Variants in GPC4 observed in about 807,000 individuals in gnomAD.
GPC4 encodes glypican-4.
GPC4 carries 10 observed loss-of-function variants against 35.0 expected under a neutral mutation model. The ratio of observed to expected loss-of-function variants is 0.29; its 90% confidence interval spans 0.18 to 0.48. GPC4 has a LOEUF of 0.48. Ranked by LOEUF, GPC4 falls within the 20% of genes least tolerant of loss-of-function variation. The probability of loss-of-function intolerance (pLI) is 0.99; values close to 1 mark genes in which losing one functional copy is unlikely to be tolerated. For missense variants in GPC4, 322 were observed against 451.3 expected (o/e 0.71, Z 2.60); for synonymous variants, 167 against 170.2 (o/e 0.98, Z 0.15).
chrX:133,409,320 TAAA>T (rs36008423), intron 1 of GPC4, among the ~76,000 whole-genome samples: 5 of 31,783 alleles, frequency 1.6e-4, no homozygotes, highest in Admixed American at 7.3e-4. Context: ...GACCCTGCCT[TAAA>T]AAAAAAAAAA....
At chrX:133,374,313 A>G (rs2068624767) in intron 1 of GPC4, among the ~76,000 whole-genome samples, 1 of 111,167 alleles carries the variant, frequency 9.0e-6, no homozygotes, top group Non-Finnish European at 1.9e-5. Flanking sequence ...ACTATGAAGA[A>G]AAGTTTTAGA....
At chrX:133,342,182 G>A (rs915936299) in intron 1 of GPC4, among the ~76,000 whole-genome samples, 1 of 108,260 alleles carries the variant, frequency 9.2e-6, no homozygotes, top group Non-Finnish European at 1.9e-5. Context: ...GATTACAGGC[G>A]TGCACCACCA....
intron 1 of GPC4, among the ~76,000 whole-genome samples, chrX:133,353,117 T>C (rs1160135188): frequency 9.0e-6 from 1 of 111,480 alleles, no homozygotes; most frequent in Non-Finnish European, 1.9e-5. Context: ...ACCCTAACCA[T>C]ACCAGGGCCC....
intron 1 of GPC4, among the ~76,000 whole-genome samples, chrX:133,404,546 CA>C (rs766777711): frequency 0.018 from 677 of 37,351 alleles, 23 homozygotes; most frequent in African/African-American, 0.1. Context: ...GACTCTGCCT[CA>C]AAAAAAAAAA....
chrX:133,366,571 T>G (rs958987974), intron 1 of GPC4, among the ~76,000 whole-genome samples: 1 of 111,702 alleles, frequency 9.0e-6, no homozygotes, highest in Non-Finnish European at 1.9e-5. Context: ...GAACAATTCC[T>G]TCTAGACTGT....
chrX:133,390,790 A>G (rs1469127399), intron 1 of GPC4, among the ~76,000 whole-genome samples: 1 of 111,773 alleles, frequency 8.9e-6, no homozygotes, highest in East Asian at 2.8e-4. Flanking sequence ...AATATAATCA[A>G]GTTTAACGCC....
intron 1 of GPC4, among the ~76,000 whole-genome samples, chrX:133,378,532 C>T (rs1300052658): frequency 1.0e-5 from 1 of 98,901 alleles, no homozygotes; most frequent in Non-Finnish European, 2.0e-5. Context: ...GCAGAGATCA[C>T]ACCACTGCAC....
Position 133,385,510 on chromosome X carries a change from C to G in GPC4, c.160+29296G>C, listed in dbSNP as rs749726248. Among the ~76,000 whole-genome samples, 11 of 112,140 alleles carry G rather than the reference C, an allele frequency of 9.8e-5. No homozygotes were observed. In the South Asian group the frequency reaches 2.6e-3, roughly 27 times the overall value. ...CCTCACATACATATGGTGCTTAAAG[C>G]ATCTTCACGTATATTATCATTTTAT... On this transcript the variant is annotated intron_variant, in intron 1 of 8. Transcript: ENST00000370828.
At chrX:133,375,829 AC>A (rs1283368474) in intron 1 of GPC4, among the ~76,000 whole-genome samples, 1 of 112,208 alleles carries the variant, frequency 8.9e-6, no homozygotes. Context: ...GTCCATTTCA[AC>A]AGTCCTTAAA....
At position 133,316,431 on chromosome X, in the gene GPC4, T is replaced by C. The variant is rs1603060062; in HGVS notation, c.712-5008A>G. On this transcript the variant is annotated intron_variant, in intron 3 of 8. Coordinates refer to ENST00000370828, the MANE Select transcript of GPC4 (RefSeq NM_001448.3). Reference sequence around the variant, plus strand: ...AAATGGCTTCTTTTGAGTAACAGACTATAGGAACCTTGATGGCAGTACATA... The same window carrying C: ...AAATGGCTTCTTTTGAGTAACAGACCATAGGAACCTTGATGGCAGTACATA... Among the ~76,000 whole-genome samples, 3 of 111,463 alleles carry C rather than the reference T, an allele frequency of 2.7e-5. No homozygotes were observed. The Admixed American group carries it at 2.9e-4, about 11-fold the overall frequency.
At chrX:133,404,681 C>T (rs1044201742) in intron 1 of GPC4, among the ~76,000 whole-genome samples, 1 of 109,029 alleles carries the variant, frequency 9.2e-6, no homozygotes, top group Non-Finnish European at 1.9e-5. Flanking sequence ...ATGGTGAAAG[C>T]CCATCTCTAC....
chrX:133,343,127 A>T (rs2068474216), intron 1 of GPC4, among the ~76,000 whole-genome samples: 1 of 111,804 alleles, frequency 8.9e-6, no homozygotes, highest in Non-Finnish European at 1.9e-5. Flanking sequence ...ACTTTTTAAC[A>T]AGGGCTCTAG....
In GPC4 at chrX:133,374,864, T is replaced by G. The variant is rs768270197; in HGVS notation, c.161-35523A>C. On this transcript the variant is annotated intron_variant, in intron 1 of 8. Coordinates refer to ENST00000370828, the MANE Select transcript of GPC4 (RefSeq NM_001448.3). ...CCAAACGCTCCAATTATCCATAGGG[T>G]TTTAAGACCTTGGCAAAACTTTTGA... Among the ~76,000 whole-genome samples, 5 of 112,129 alleles carry G rather than the reference T, an allele frequency of 4.5e-5. No individual in the cohort carries two copies. In the South Asian group the frequency reaches 1.9e-3, roughly 42 times the overall value.
At chrX:133,406,349 C>G (rs938525107) in intron 1 of GPC4, among the ~76,000 whole-genome samples, 1 of 112,081 alleles carries the variant, frequency 8.9e-6, no homozygotes, top group Non-Finnish European at 1.9e-5. Flanking sequence ...TCCAAGTTAG[C>G]CAAAATTAAA....
At chrX:133,391,863 A>G (rs1446901424) in intron 1 of GPC4, among the ~76,000 whole-genome samples, 1 of 111,739 alleles carries the variant, frequency 8.9e-6, no homozygotes, top group African/African-American at 3.3e-5. Context: ...CTCCTGTGGC[A>G]TAATAAAGGC....
chrX:133,409,029 C>T (rs1323292138), intron 1 of GPC4, among the ~76,000 whole-genome samples: 8 of 109,541 alleles, frequency 7.3e-5, no homozygotes, highest in Non-Finnish European at 1.1e-4. Context: ...GTGGCACACG[C>T]CTATAATCCC....
At chrX:133,317,174 TCTTAATGATAAGGTAA>T (rs1044855143) in intron 3 of GPC4, among the ~76,000 whole-genome samples, 1 of 111,317 alleles carries the variant, frequency 9.0e-6, no homozygotes, top group Non-Finnish European at 1.9e-5. Flanking sequence ...CAGAGGTCTT[TCTTAATGATAAGGTAA>T]CTGTAGGAGG....
intron 1 of GPC4, among the ~76,000 whole-genome samples, chrX:133,372,399 T>C (rs1291507903): frequency 1.8e-5 from 2 of 109,881 alleles, no homozygotes; most frequent in Non-Finnish European, 3.8e-5. Flanking sequence ...GAGACAGTCA[T>C]GCCAGCTCTG....
intron 1 of GPC4, among the ~76,000 whole-genome samples, chrX:133,404,851 CAAAA>C (rs763897889): frequency 4.8e-5 from 1 of 20,983 alleles, no homozygotes; most frequent in Non-Finnish European, 7.6e-5. Context: ...GACCCTGTCT[CAAAA>C]AAAAAAAAAA....
Sources: gnomAD v4.1 joint callset for allele counts (sites outside exome capture counted in the v4.1 genomes callset) on GRCh38, gnomAD v4.1.1 for gene constraint, MANE v1.5 for transcripts, NCBI Gene and HGNC (gene_info 2026-07-23, HGNC 2026-07-21) for gene names.